The following MCTS2 variants were observed in gnomAD, a reference collection of about 807,000 sequenced individuals.
MCTS2 encodes the protein malignant T-cell-amplified sequence 2.
the MCTS2 span, chr20:31,547,453 G>A: frequency 8.7e-6 from 5 of 577,856 alleles, no homozygotes; most frequent in Admixed American, 1.3e-4. Flanking sequence ...CTCCACCGGA[G>A]CCTTGCCAAT....
At chr20:31,547,521 TGAAAA>T in the MCTS2 span, 1 of 768,484 alleles carries the variant, frequency 1.3e-6, no homozygotes, top group African/African-American at 1.8e-5. Context: ...AGAAGTTTGA[TGAAAA>T]GGAAAGTGTG....
At chr20:31,547,855 T>C in the MCTS2 span, 3 of 962,370 alleles carry the variant, frequency 3.1e-6, no homozygotes, top group Non-Finnish European at 5.1e-6. Context: ...AGGTTTAACT[T>C]CTCCTGGAGC....
the MCTS2 span, chr20:31,547,779 G>A: frequency 1.1e-6 from 1 of 948,518 alleles, no homozygotes; most frequent in Non-Finnish European, 1.7e-6. Context: ...CTTTTATCCT[G>A]CCACACCAGC....
At chr20:31,547,398 G>T in the MCTS2 span, 1 of 435,158 alleles carries the variant, frequency 2.3e-6, no homozygotes, top group Non-Finnish European at 4.1e-6. Flanking sequence ...GGCTCTGACC[G>T]TCTGGCAGGC....
chr20:31,547,544 G>A, the MCTS2 span: 10 of 903,878 alleles, frequency 1.1e-5, no homozygotes, highest in Non-Finnish European at 1.8e-5. Context: ...GTGTCCAACT[G>A]CATCCAGTTG....
chr20:31,547,881 T>G, the MCTS2 span: 1 of 1,010,150 alleles, frequency 9.9e-7, no homozygotes, highest in East Asian at 2.4e-5. Flanking sequence ...TGTACCCTGC[T>G]GCAGTAGATA....
chr20:31,547,808 T>A, the MCTS2 span: 1 of 955,770 alleles, frequency 1.0e-6, no homozygotes. Context: ...AAAGGAGCTA[T>A]CAAATTTGTA....
At chr20:31,547,443 C>T in the MCTS2 span, 1 of 543,688 alleles carries the variant, frequency 1.8e-6, no homozygotes, top group South Asian at 2.4e-5. Context: ...CTGCAGGGGA[C>T]TCCACCGGAG....
At chr20:31,547,968 T>A in the MCTS2 span, 1 of 1,546,796 alleles carries the variant, frequency 6.5e-7, no homozygotes, top group Non-Finnish European at 8.9e-7. Flanking sequence ...CAGAAGATAT[T>A]GAGAAAGTCA....
chr20:31,547,927 GCT>G, the MCTS2 span: 1 of 1,259,250 alleles, frequency 7.9e-7, no homozygotes, highest in Admixed American at 1.7e-5. Context: ...AAAACAGCAT[GCT>G]CTGTGTGTTG....
the MCTS2 span, chr20:31,547,827 C>T: frequency 3.2e-6 from 3 of 933,914 alleles, no homozygotes; most frequent in South Asian, 1.3e-5. Context: ...TACTCAGTGG[C>T]GCAAATATTA....
At chr20:31,547,428 C>A in the MCTS2 span, 5 of 497,014 alleles carry the variant, frequency 1.0e-5, no homozygotes, top group East Asian at 1.9e-4. Flanking sequence ...CCCGCGCCGG[C>A]CTTCCTGCAG....
At chr20:31,547,831 A>C in the MCTS2 span, 5 of 937,676 alleles carry the variant, frequency 5.3e-6, no homozygotes, top group African/African-American at 3.2e-5. Context: ...CAGTGGCGCA[A>C]ATATTATGTG....
the MCTS2 span, chr20:31,547,958 C>A: frequency 8.7e-6 from 13 of 1,493,000 alleles, no homozygotes; most frequent in Non-Finnish European, 1.1e-5. Flanking sequence ...AAGATGTCTG[C>A]AGAAGATATT....
At chr20:31,547,992 C>T in the MCTS2 span, 3 of 1,584,702 alleles carry the variant, frequency 1.9e-6, no homozygotes, top group Admixed American at 1.7e-5. Context: ...AAGGAATTGG[C>T]ATTGAAAATA....
chr20:31,547,439 G>A, the MCTS2 span: 4 of 531,240 alleles, frequency 7.5e-6, no homozygotes, highest in Admixed American at 1.5e-4. Flanking sequence ...CTTCCTGCAG[G>A]GGACTCCACC....
the MCTS2 span, chr20:31,547,901 C>A: frequency 1.8e-6 from 2 of 1,084,696 alleles, no homozygotes; most frequent in Non-Finnish European, 2.9e-6. Context: ...ACGATTGTAG[C>A]AGTCACAGCG....
At chr20:31,547,949 A>T in the MCTS2 span, 11 of 1,422,138 alleles carry the variant, frequency 7.7e-6, no homozygotes, top group Non-Finnish European at 1.1e-5. Flanking sequence ...GGGGTCATGA[A>T]GATGTCTGCA....
At chr20:31,547,617 A>G in the MCTS2 span, 3 of 1,577,704 alleles carry the variant, frequency 1.9e-6, no homozygotes, top group Non-Finnish European at 2.6e-6. Context: ...GTATTGAACC[A>G]TGGCTTAATC....
Sources: gnomAD v4.1 joint callset for allele counts on GRCh38, gnomAD v4.1.1 for gene constraint, MANE v1.5 for transcripts, NCBI Gene and HGNC (gene_info 2026-07-23, HGNC 2026-07-21) for gene names.